Variants in YIPF4 observed in about 807,000 individuals in gnomAD.
The protein encoded by YIPF4 is Yip1 domain family member 4.
YIPF4 carries 18 observed loss-of-function variants against 29.4 expected under a neutral mutation model. The ratio of observed to expected loss-of-function variants is 0.61; its 90% CI spans 0.42 to 0.91. YIPF4 has a LOEUF of 0.91. Among genes scored for constraint, YIPF4 ranks in the 40% least tolerant of loss-of-function variants. The pLI is 0.00. For synonymous variants in YIPF4, 115 were observed against 104.7 expected (o/e 1.10, Z -0.60); for missense variants, 279 against 282.7 (o/e 0.99, Z 0.09).
rs2031569493 is a variant in YIPF4 at position 32,306,001 on chromosome 2, T to C, written c.*375T>C. The C allele has an allele frequency of 1.0e-6, 1 of 984,322 alleles. No homozygotes were observed. The allele number at this position is 984,322 out of a possible 1,614,324, so 61.0% of individuals were successfully genotyped here. On this transcript the variant is annotated 3_prime_UTR_variant, in exon 6 of 6. Coordinates refer to ENST00000238831, the MANE Select transcript of YIPF4 (RefSeq NM_032312.4). ...TCTTGATAATCAAAAGTGCAATTTT[T>C]TTCTTCAAAATGTTTTCTCCAGCAT... is the stretch of plus-strand genomic sequence containing the variant.
chr2:32,299,541 G>C (rs1558480596), intron 4 of YIPF4, among the ~76,000 whole-genome samples: 1 of 152,222 alleles, frequency 6.6e-6, no homozygotes. Flanking sequence ...ACTCAAGGGG[G>C]CTGGGCGCCG....
chr2:32,279,715 A>G (rs1350617555), intron 1 of YIPF4, among the ~76,000 whole-genome samples: 1 of 151,602 alleles, frequency 6.6e-6, no homozygotes, highest in African/African-American at 2.4e-5. Context: ...GGCCGAAAGA[A>G]CCTAGATTTT....
rs2031707654 is a variant in YIPF4 at position 32,311,078 on chromosome 2, A to G, written c.*5452A>G. On this transcript the variant is annotated 3_prime_UTR_variant, in exon 6 of 6. Transcript: ENST00000238831. ...CATTTTTGCACTACAATACATAAAA[A>G]CTCCCATGCTGATCGGTTGTGGGAT... 1 of 149,220 alleles carries G rather than the reference A, an allele frequency of 6.7e-6. No individual in the cohort carries two copies. Among genetic ancestry groups the G allele is most frequent in the African/African-American group, 2.5e-5 (1 of 40,330 alleles). The allele number at this position is 149,220 out of a possible 1,614,324, so 9.2% of individuals were successfully genotyped here.
intron 1 of YIPF4, among the ~76,000 whole-genome samples, chr2:32,287,984 A>G (rs2030749544): frequency 6.6e-6 from 1 of 152,208 alleles, no homozygotes; most frequent in Non-Finnish European, 1.5e-5. Context: ...GCTGACAACC[A>G]AGCTAGCTTG....
chr2:32,280,674 G>A (rs971264976), intron 1 of YIPF4, among the ~76,000 whole-genome samples: 3 of 152,054 alleles, frequency 2.0e-5, no homozygotes, highest in Admixed American at 6.6e-5. Context: ...GAGCCACCGC[G>A]CCCGGCCTAA....
At chr2:32,300,028 A>G (rs2031340475) in intron 4 of YIPF4, among the ~76,000 whole-genome samples, 1 of 152,094 alleles carries the variant, frequency 6.6e-6, no homozygotes, top group Non-Finnish European at 1.5e-5. Flanking sequence ...GCACTTTGGG[A>G]GGCCGGGGCG....
intron 1 of YIPF4, among the ~76,000 whole-genome samples, chr2:32,287,431 T>C (rs1374793257): frequency 2.0e-5 from 3 of 152,206 alleles, no homozygotes; most frequent in African/African-American, 7.2e-5. Context: ...GTCCTTGCTC[T>C]TGTTGCTTAT....
In YIPF4 at chr2:32,306,643, T is replaced by G; in HGVS notation, c.*1017T>G. On this transcript the variant is annotated 3_prime_UTR_variant, in exon 6 of 6. Transcript: ENST00000238831. The stretch of plus-strand genomic sequence containing the variant: ...CAAGTATCAGGTACTCTCTAACAAA[T>G]GTACAGTTTTTGCTAAGGGAAATAT... The G allele has an allele frequency of 2.1e-6, 2 of 970,632 alleles. No individual in the cohort carries two copies. Among genetic ancestry groups the G allele is most frequent in the Non-Finnish European group, 2.4e-6 (2 of 816,510 alleles). The allele number at this position is 970,632 out of a possible 1,614,324, so 60.1% of individuals were successfully genotyped here. A position where few individuals can be genotyped will look rare whatever the true frequency, so the allele number is the denominator to read the frequency against.
intron 3 of YIPF4, among the ~76,000 whole-genome samples, chr2:32,295,631 T>C (rs1326033329): frequency 6.6e-6 from 1 of 152,132 alleles, no homozygotes; most frequent in African/African-American, 2.4e-5. Context: ...TAGACGGAGT[T>C]TCACTCTTGC....
chr2:32,290,200 A>G (rs2030850105), intron 1 of YIPF4, among the ~76,000 whole-genome samples: 5 of 152,188 alleles, frequency 3.3e-5, no homozygotes, highest in African/African-American at 1.2e-4. Context: ...TGGAAATTTT[A>G]AGGAATTACT....
chr2:32,285,372 T>G (rs1158211915), intron 1 of YIPF4, among the ~76,000 whole-genome samples: 2 of 152,196 alleles, frequency 1.3e-5, no homozygotes, highest in African/African-American at 4.8e-5. Flanking sequence ...GACAATAGGT[T>G]ATATAAATCT....
rs891120543 is a variant in YIPF4, at chr2:32,310,949, A to C, written c.*5323A>C. ...TCAAATTTGTGGTGTTCAAGGTTCAACTGTAATTTCCTAGCAGCATTTTGT... is the reference window on the plus strand; with the variant it reads ...TCAAATTTGTGGTGTTCAAGGTTCACCTGTAATTTCCTAGCAGCATTTTGT... On this transcript the variant is annotated 3_prime_UTR_variant, in exon 6 of 6. Coordinates refer to ENST00000238831, the MANE Select transcript of YIPF4 (RefSeq NM_032312.4). 2.0e-5 allele frequency: 3 copies of C among 152,192 alleles called. No individual in the cohort carries two copies. Among genetic ancestry groups the C allele is most frequent in the African/African-American group, 7.2e-5 (3 of 41,454 alleles). The allele number at this position is 152,192 out of a possible 1,614,324, so 9.4% of individuals were successfully genotyped here.
intron 4 of YIPF4, among the ~76,000 whole-genome samples, chr2:32,300,166 T>G (rs376395108): frequency 2.6e-4 from 39 of 152,140 alleles, no homozygotes; most frequent in African/African-American, 8.2e-4. Context: ...CTCGGGAAGC[T>G]GAGGCAGGAG....
rs1161317860 is a variant in YIPF4, at chr2:32,312,960, C to G, written c.*7334C>G. Reference sequence around the variant, plus strand: ...AAGCAGAGATCGCGCCACTGCACTCCCGCCTGGGTGACAGAGCGAGACTCT... The same window carrying G: ...AAGCAGAGATCGCGCCACTGCACTCGCGCCTGGGTGACAGAGCGAGACTCT... On this transcript the variant is annotated 3_prime_UTR_variant, in exon 6 of 6. Transcript: ENST00000238831. 1 of 152,346 alleles carries G rather than the reference C, an allele frequency of 6.6e-6. No homozygotes were observed. Among genetic ancestry groups the G allele is most frequent in the East Asian group, 1.9e-4 (1 of 5,202 alleles). The allele number at this position is 152,346 out of a possible 1,614,324, so 9.4% of individuals were successfully genotyped here.
At chr2:32,295,804 T>C (rs139378050) in intron 3 of YIPF4, among the ~76,000 whole-genome samples, 2 of 152,270 alleles carry the variant, frequency 1.3e-5, no homozygotes, top group African/African-American at 4.8e-5. Flanking sequence ...GGTTTCACCA[T>C]GTTAGTCAGG....
At chr2:32,279,263 G>A (rs1573520574) in intron 1 of YIPF4, among the ~76,000 whole-genome samples, 1 of 151,738 alleles carries the variant, frequency 6.6e-6, no homozygotes, top group Non-Finnish European at 1.5e-5. Context: ...GAGCCACCGC[G>A]CCCCGGCCAT....
Position 32,314,787 on chromosome 2 carries a change from T to C in YIPF4, c.*9161T>C, listed in dbSNP as rs924993670. On this transcript the variant is annotated 3_prime_UTR_variant, in exon 6 of 6. Coordinates refer to ENST00000238831, the MANE Select transcript of YIPF4 (RefSeq NM_032312.4). ...ATTCAACAAACATTGGCTGTTATTA[T>C]ATTAGCTATTAAAAATTTAAGTCAT... 3 of 152,198 alleles carry C rather than the reference T, an allele frequency of 2.0e-5. No homozygotes were observed. Among genetic ancestry groups the C allele is most frequent in the Non-Finnish European group, 4.4e-5 (3 of 68,038 alleles). 9.4% of individuals were successfully genotyped at this position (152,198 alleles called of 1,614,324 possible). A position where few individuals can be genotyped will look rare whatever the true frequency, so the allele number is the denominator to read the frequency against.
intron 1 of YIPF4, among the ~76,000 whole-genome samples, chr2:32,280,811 A>G (rs2030372945): frequency 6.6e-6 from 1 of 152,212 alleles, no homozygotes; most frequent in Non-Finnish European, 1.5e-5. Flanking sequence ...ACTGAGATAC[A>G]GCACCCCAAA....
Position 32,311,364 on chromosome 2 carries a change from T to C in YIPF4, c.*5738T>C, listed in dbSNP as rs868400388. On this transcript the variant is annotated 3_prime_UTR_variant, in exon 6 of 6. Coordinates refer to ENST00000238831, the MANE Select transcript of YIPF4 (RefSeq NM_032312.4). ...TTTCTCTTTGAAAATTCTTTTGATA[T>C]GCTGAGGTTACAGTTTGGAGGTTAC... 6.6e-6 allele frequency: 1 copy of C among 152,218 alleles called. No homozygotes were observed. The highest frequency in any genetic ancestry group is 1.5e-5 in the Non-Finnish European group (1 of 68,038). The allele number at this position is 152,218 out of a possible 1,614,324, so 9.4% of individuals were successfully genotyped here.
Sources: allele counts gnomAD v4.1 joint callset (sites outside exome capture counted in the v4.1 genomes callset), GRCh38; gene constraint gnomAD v4.1.1; transcripts MANE v1.5; gene names NCBI Gene and HGNC (gene_info 2026-07-23, HGNC 2026-07-21).